Variants in THSD7B observed in about 807,000 individuals in gnomAD.
THSD7B encodes the protein thrombospondin type 1 domain containing 7B.
A neutral mutation model predicts 213.6 loss-of-function variants in THSD7B; 138 were observed. The ratio of observed to expected loss-of-function variants is 0.65; its 90% confidence interval spans 0.56 to 0.74. THSD7B has a LOEUF of 0.74. THSD7B is among the 30% of genes least tolerant of loss of function. The probability of loss-of-function intolerance (pLI) is 0.00; values close to 1 mark genes in which losing one functional copy is unlikely to be tolerated. For missense variants in THSD7B, 1,931 were observed against 1,991.5 expected, an observed-to-expected ratio of 0.97 and a Z score of 0.58; for synonymous variants, 742 against 687.0, an observed-to-expected ratio of 1.08 and a Z score of -1.25.
At chr2:137,456,029 A>ATC (rs1172479963) in intron 15 of THSD7B, among the ~76,000 whole-genome samples, 2 of 152,240 alleles carry the variant, frequency 1.3e-5, no homozygotes, top group African/African-American at 4.8e-5. Context: ...TATCAAGATT[A>ATC]ATTACCTGTG....
rs138369890 is a variant in THSD7B, at chr2:137,190,655, G to A, written c.1723+19717G>A. Among the ~76,000 whole-genome samples, 43 of 152,292 alleles carry A rather than the reference G, an allele frequency of 2.8e-4. No individual in the cohort carries two copies. In the East Asian group the frequency reaches 8.3e-3, roughly 29 times the overall value. Reference sequence around the variant, plus strand: ...CATGAGTCACAGTAACAACTTCAGTGCTGAATATGGAACCAGAATCCCCTG... The same window carrying A: ...CATGAGTCACAGTAACAACTTCAGTACTGAATATGGAACCAGAATCCCCTG... On this transcript the variant is annotated intron_variant, in intron 7 of 27. Transcript: ENST00000409968.
At chr2:137,288,608 T>C (rs946993229) in intron 12 of THSD7B, among the ~76,000 whole-genome samples, 8 of 152,044 alleles carry the variant, frequency 5.3e-5, no homozygotes, top group Admixed American at 4.6e-4. Flanking sequence ...GCTAACTTTA[T>C]GTACAGAGCA....
chr2:137,228,226 C>A (rs1005129754), intron 7 of THSD7B, among the ~76,000 whole-genome samples: 1 of 151,116 alleles, frequency 6.6e-6, no homozygotes, highest in African/African-American at 2.4e-5. Context: ...TTTTGCTTCC[C>A]TAAAGTTCTG....
At chr2:137,147,851 CA>C (rs1679734178) in intron 5 of THSD7B, among the ~76,000 whole-genome samples, 1 of 152,156 alleles carries the variant, frequency 6.6e-6, no homozygotes, top group African/African-American at 2.4e-5. Flanking sequence ...ATTCGTATCT[CA>C]ACCATGCTTT....
chr2:137,063,116 A>T (rs1055969346), intron 3 of THSD7B, among the ~76,000 whole-genome samples: 2 of 151,742 alleles, frequency 1.3e-5, no homozygotes, highest in African/African-American at 4.8e-5. Flanking sequence ...TGGAATTATG[A>T]TACCTACTCC....
At chr2:136,906,265 C>G (rs1008261257) in intron 2 of THSD7B, among the ~76,000 whole-genome samples, 3 of 152,132 alleles carry the variant, frequency 2.0e-5, no homozygotes, top group Non-Finnish European at 2.9e-5. Flanking sequence ...AGCTTCCTAA[C>G]TTTAAATACC....
At chr2:137,055,885 C>T (rs1410004138) in intron 2 of THSD7B, among the ~76,000 whole-genome samples, 1 of 152,174 alleles carries the variant, frequency 6.6e-6, no homozygotes, top group East Asian at 1.9e-4. Flanking sequence ...ACTTTGGCAA[C>T]TTAGGGTGTT....
intron 9 of THSD7B, among the ~76,000 whole-genome samples, chr2:137,238,723 T>A (rs1047379439): frequency 6.8e-6 from 1 of 147,770 alleles, no homozygotes; most frequent in Non-Finnish European, 1.5e-5. Flanking sequence ...CCGGCTAATT[T>A]TTTGTATTTT....
At chr2:137,535,406 C>T (rs1006155452) in intron 15 of THSD7B, among the ~76,000 whole-genome samples, 59 of 151,646 alleles carry the variant, frequency 3.9e-4, no homozygotes, top group Admixed American at 3.0e-3. Context: ...TTGGATTACA[C>T]GGAAATGGAA....
chr2:137,274,432 A>T (rs1558738790), intron 11 of THSD7B, among the ~76,000 whole-genome samples: 1 of 152,082 alleles, frequency 6.6e-6, no homozygotes. Flanking sequence ...AGTAGCTAAG[A>T]CAGCATGGGC....
chr2:136,768,423 A>G (rs1460831326), intron 1 of THSD7B, among the ~76,000 whole-genome samples: 1 of 152,232 alleles, frequency 6.6e-6, no homozygotes, highest in East Asian at 1.9e-4. Context: ...CAAAACTTCA[A>G]TTCTGCTGTT....
chr2:137,312,424 T>C (rs1269982990), intron 12 of THSD7B, among the ~76,000 whole-genome samples: 6 of 146,532 alleles, frequency 4.1e-5, no homozygotes, highest in Non-Finnish European at 9.0e-5. Flanking sequence ...TTGCTAGTGG[T>C]CTATCAATTT....
chr2:137,315,895 A>T (rs1268489369), intron 12 of THSD7B, among the ~76,000 whole-genome samples: 1 of 152,136 alleles, frequency 6.6e-6, no homozygotes, highest in Admixed American at 6.5e-5. Flanking sequence ...CTGCTTTAAT[A>T]TTGTTAGTTT....
At chr2:137,175,968 C>T (rs1192522054) in intron 7 of THSD7B, among the ~76,000 whole-genome samples, 1 of 151,958 alleles carries the variant, frequency 6.6e-6, no homozygotes, top group African/African-American at 2.4e-5. Context: ...TTTGTGTTGT[C>T]TTTATTTTTA....
At chr2:137,045,041 G>A (rs1410163314) in intron 2 of THSD7B, among the ~76,000 whole-genome samples, 2 of 152,160 alleles carry the variant, frequency 1.3e-5, no homozygotes, top group Non-Finnish European at 2.9e-5. Flanking sequence ...TTCCAACTCA[G>A]TACTTATGTA....
intron 2 of THSD7B, among the ~76,000 whole-genome samples, chr2:136,997,521 G>A (rs1685916146): frequency 6.6e-6 from 1 of 152,140 alleles, no homozygotes; most frequent in Admixed American, 6.6e-5. Context: ...TTCCTCTGTT[G>A]ATGCTTAACT....
At chr2:137,398,691 C>T (rs1574006064) in intron 12 of THSD7B, among the ~76,000 whole-genome samples, 2 of 152,182 alleles carry the variant, frequency 1.3e-5, no homozygotes, top group Admixed American at 1.3e-4. Flanking sequence ...GTGGGCTCCA[C>T]CCAGTTTGAG....
chr2:137,197,086 G>C (rs1034310560), intron 7 of THSD7B, among the ~76,000 whole-genome samples: 1 of 152,170 alleles, frequency 6.6e-6, no homozygotes, highest in Non-Finnish European at 1.5e-5. Context: ...TAGAGACATT[G>C]TACAAAATAA....
intron 12 of THSD7B, among the ~76,000 whole-genome samples, chr2:137,315,561 G>A (rs1012202883): frequency 2.6e-5 from 4 of 151,746 alleles, no homozygotes; most frequent in East Asian, 1.9e-4. Context: ...ATTTTAAAAC[G>A]TTTTTCAGTA....
Sources: gnomAD v4.1 joint callset for allele counts (sites outside exome capture counted in the v4.1 genomes callset) on GRCh38, gnomAD v4.1.1 for gene constraint, MANE v1.5 for transcripts, NCBI Gene and HGNC (gene_info 2026-07-23, HGNC 2026-07-21) for gene names.